The following RARRES1 variants were observed in gnomAD, a reference collection of about 807,000 sequenced individuals.
RARRES1 encodes retinoic acid receptor responder 1.
In RARRES1, 34 loss-of-function variants were observed where a neutral mutation model predicts 30.6. That is an observed-to-expected ratio of 1.11 (90% CI 0.84 to 1.48). RARRES1 has a LOEUF of 1.48. Ranked by LOEUF, RARRES1 falls within the 40% of genes most tolerant of loss-of-function variation. The pLI, the probability that RARRES1 is intolerant of heterozygous loss-of-function variation, is 0.00. For synonymous variants in RARRES1, 153 were observed against 155.5 expected, an observed-to-expected ratio of 0.98 and a Z score of 0.12; for missense variants, 373 against 386.5, an observed-to-expected ratio of 0.97 and a Z score of 0.29.
At chr3:158,728,839 C>A (rs1559876470) in intron 1 of RARRES1, among the ~76,000 whole-genome samples, 2 of 152,026 alleles carry the variant, frequency 1.3e-5, no homozygotes. Flanking sequence ...TTTACTTCTC[C>A]CCAGTGCTAT....
chr3:158,710,398 C>T (rs1218905178), intron 3 of RARRES1, among the ~76,000 whole-genome samples: 6 of 151,972 alleles, frequency 3.9e-5, no homozygotes, highest in Non-Finnish European at 5.9e-5. Flanking sequence ...TTAGTAGAGA[C>T]GGGGTTTCAC....
At chr3:158,731,219 G>A (rs1278630503) in intron 1 of RARRES1, among the ~76,000 whole-genome samples, 1 of 152,192 alleles carries the variant, frequency 6.6e-6, no homozygotes, top group Non-Finnish European at 1.5e-5. Flanking sequence ...CAGGCGTTTG[G>A]CACTGTTAAA....
chr3:158,732,091 CG>C lies in RARRES1; in HGVS notation c.276+48del. 4 of 1,296,400 alleles carry C rather than the reference CG, an allele frequency of 3.1e-6. No homozygotes were observed. In the South Asian group the frequency reaches 9.4e-5, roughly 30 times the overall value. The allele number at this position is 1,296,400 out of a possible 1,614,324, so 80.3% of individuals were successfully genotyped here. A position where few individuals can be genotyped will look rare whatever the true frequency, so the allele number is the denominator to read the frequency against. On this transcript the variant is annotated intron_variant, in intron 1 of 5. Transcript: ENST00000237696. ...GTACCCAGGTGTCACCTCCCAGCGC[CG>C]TGCGCGGACAGGCAGGCGCGTGCCC...
chr3:158,716,015 G>A lies in RARRES1; in HGVS notation c.277-2156C>T, dbSNP rs150802668. ...AGCCTTGAATGGGTCGCTGCACCCC[G>A]CACCTGCTATGTGCACCGCAGCACC... On this transcript the variant is annotated intron_variant, in intron 1 of 5. Transcript: ENST00000237696. 2.6e-3 allele frequency among the ~76,000 whole-genome samples: 389 copies of A among 152,334 alleles called. 1 individual carries two copies. Among genetic ancestry groups the A allele is most frequent in the Middle Eastern group, 0.01 (3 of 294 alleles).
intron 4 of RARRES1, among the ~76,000 whole-genome samples, chr3:158,701,359 CTTT>C (rs367676229): frequency 7.0e-6 from 1 of 142,748 alleles, no homozygotes. Context: ...TTCAGTCTTT[CTTT>C]TTTTTTTTTG....
At chr3:158,713,257 T>C (rs947053271) in intron 2 of RARRES1, among the ~76,000 whole-genome samples, 2 of 152,150 alleles carry the variant, frequency 1.3e-5, no homozygotes, top group African/African-American at 4.8e-5. Flanking sequence ...GTTTTCTCTT[T>C]ACTCTCTTCT....
At chr3:158,730,646 T>C (rs1727853972) in intron 1 of RARRES1, among the ~76,000 whole-genome samples, 1 of 152,026 alleles carries the variant, frequency 6.6e-6, no homozygotes, top group African/African-American at 2.4e-5. Flanking sequence ...GAGATGGTAC[T>C]TTGCCATGTT....
At chr3:158,699,443 C>CA (rs1265712830) in intron 4 of RARRES1, among the ~76,000 whole-genome samples, 1 of 150,794 alleles carries the variant, frequency 6.6e-6, no homozygotes, top group East Asian at 2.0e-4. Flanking sequence ...AACCCCCCCC[C>CA]CACCAAAAAA....
intron 1 of RARRES1, among the ~76,000 whole-genome samples, chr3:158,731,460 AT>A (rs1727884558): frequency 6.6e-6 from 1 of 152,240 alleles, no homozygotes; most frequent in Non-Finnish European, 1.5e-5. Flanking sequence ...CCTACAGTCA[AT>A]GCCTTGAAAT....
chr3:158,716,783 C>T lies in RARRES1; in HGVS notation c.277-2924G>A, dbSNP rs372064086. On this transcript the variant is annotated intron_variant, in intron 1 of 5. Coordinates refer to ENST00000237696, the MANE Select transcript of RARRES1 (RefSeq NM_206963.2). Reference sequence around the variant, plus strand: ...TATTTTAGTAGAGACAGGTTTTCACCGTGTTGCCCAGGCTGGTTTCGAACT... The same window carrying T: ...TATTTTAGTAGAGACAGGTTTTCACTGTGTTGCCCAGGCTGGTTTCGAACT... Among the ~76,000 whole-genome samples, 60 of 152,234 alleles carry T rather than the reference C, an allele frequency of 3.9e-4. No individual in the cohort carries two copies. The South Asian group carries it at 9.5e-3, about 24-fold the overall frequency.
intron 1 of RARRES1, among the ~76,000 whole-genome samples, chr3:158,730,365 C>CTCCT (rs61461024): frequency 0.087 from 10,447 of 119,856 alleles, 701 homozygotes; most frequent in East Asian, 0.11. Flanking sequence ...GAATAGGTTG[C>CTCCT]TCCTTCCTTC....
chr3:158,728,685 G>C (rs1309999234), intron 1 of RARRES1, among the ~76,000 whole-genome samples: 2 of 151,920 alleles, frequency 1.3e-5, no homozygotes, highest in Non-Finnish European at 2.9e-5. Context: ...CACCATGCCT[G>C]GCTAATTTTT....
intron 2 of RARRES1, 45 bp from the exon 3 acceptor site, chr3:158,710,978 G>A (rs765224222): frequency 2.0e-6 from 3 of 1,526,060 alleles, no homozygotes; most frequent in Non-Finnish European, 2.7e-6. Flanking sequence ...ACTCACCCCA[G>A]TGCACACAAG....
chr3:158,714,000 A>C, intron 1 of RARRES1, 141 bp from the exon 2 acceptor site: 1 of 768,050 alleles, frequency 1.3e-6, no homozygotes, highest in Non-Finnish European at 2.1e-6. Flanking sequence ...GATGGCTTAG[A>C]AGAAAGATCT....
At chr3:158,730,365 C>CTCCTTCCTTCCTTCCT (rs61461024) in intron 1 of RARRES1, among the ~76,000 whole-genome samples, 2,641 of 120,122 alleles carry the variant, frequency 0.022, 88 homozygotes, top group East Asian at 0.08. Context: ...GAATAGGTTG[C>CTCCTTCCTTCCTTCCT]TCCTTCCTTC....
chr3:158,714,294 CACA>C (rs984246377), intron 1 of RARRES1, among the ~76,000 whole-genome samples: 3 of 152,130 alleles, frequency 2.0e-5, no homozygotes, highest in Non-Finnish European at 4.4e-5. Context: ...GCAACAAACG[CACA>C]ACAAGTAATA....
At chr3:158,717,455 G>A (rs1275295822) in intron 1 of RARRES1, among the ~76,000 whole-genome samples, 1 of 152,248 alleles carries the variant, frequency 6.6e-6, no homozygotes, top group Non-Finnish European at 1.5e-5. Context: ...TGAAGATGAA[G>A]AAGGAATTGG....
chr3:158,732,457 C>T lies in RARRES1; in HGVS notation c.-42G>A. On this transcript the variant is annotated 5_prime_UTR_variant, in exon 1 of 6. Coordinates refer to ENST00000237696, the MANE Select transcript of RARRES1 (RefSeq NM_206963.2). ...GCTCGGCACCCGACAGACACGGGCT[C>T]GGAGCGGGCAGTGCCGGCGCTCGCG... The T allele has an allele frequency of 1.1e-5, 16 of 1,516,626 alleles. No homozygotes were observed. Among genetic ancestry groups the T allele is most frequent in the Non-Finnish European group, 1.4e-5 (16 of 1,137,128 alleles). The allele number at this position is 1,516,626 out of a possible 1,614,324, so 93.9% of individuals were successfully genotyped here. A position where few individuals can be genotyped will look rare whatever the true frequency, so the allele number is the denominator to read the frequency against.
chr3:158,698,888 A>G (rs1489134308), intron 4 of RARRES1, among the ~76,000 whole-genome samples: 2 of 152,024 alleles, frequency 1.3e-5, no homozygotes, highest in African/African-American at 4.8e-5. Flanking sequence ...CTTCCTGCTT[A>G]GCTCTTTAGA....
Sources: gnomAD v4.1 joint callset for allele counts (sites outside exome capture counted in the v4.1 genomes callset) on GRCh38, gnomAD v4.1.1 for gene constraint, MANE v1.5 for transcripts, NCBI Gene and HGNC (gene_info 2026-07-23, HGNC 2026-07-21) for gene names.